NLGN1: variants seen among roughly 807,000 people sequenced by gnomAD.
NLGN1 encodes neuroligin 1, also known as neuroligin-1.
Under a neutral mutation model 65.5 loss-of-function variants are expected in NLGN1, and 12 were observed. That is an observed-to-expected ratio of 0.18 (90% CI 0.12 to 0.30). The LOEUF (loss-of-function observed/expected upper bound fraction) is 0.30, where lower values mean the gene tolerates loss of function less well. Ranked by LOEUF, NLGN1 falls within the 10% of genes least tolerant of loss-of-function variation. The pLI, the probability that NLGN1 is intolerant of heterozygous loss-of-function variation, is 1.00. For missense variants in NLGN1, 750 were observed against 1,007.1 expected, an observed-to-expected ratio of 0.74 and a Z score of 3.46; for synonymous variants, 350 against 359.5, an observed-to-expected ratio of 0.97 and a Z score of 0.30.
intron 3 of NLGN1, among the ~76,000 whole-genome samples, chr3:173,622,631 C>T (rs571733448): frequency 1.3e-5 from 2 of 150,880 alleles, no homozygotes; most frequent in Non-Finnish European, 3.0e-5. Context: ...AAAAAATGAA[C>T]AGAAGTTTCC....
At chr3:173,546,685 T>C (rs555906732) in intron 2 of NLGN1, among the ~76,000 whole-genome samples, 1 of 152,282 alleles carries the variant, frequency 6.6e-6, no homozygotes, top group East Asian at 1.9e-4. Context: ...CCTTGGCAGC[T>C]GGGCTGCGCT....
At chr3:174,116,324 GGTTTTCTTTTT>G (rs1355153778) in intron 4 of NLGN1, among the ~76,000 whole-genome samples, 7 of 102,842 alleles carry the variant, frequency 6.8e-5, no homozygotes, top group African/African-American at 2.7e-4. Flanking sequence ...TTTTTTTCTG[GGTTTTCTTTTT>G]TTTTTTTTTT....
At chr3:174,088,797 TAAATAAATAAAA>T (rs1336962847) in intron 4 of NLGN1, among the ~76,000 whole-genome samples, 31 of 149,076 alleles carry the variant, frequency 2.1e-4, no homozygotes, top group African/African-American at 6.5e-4. Flanking sequence ...AATAAATAAA[TAAATAAATAAAA>T]CTAGATTATT....
chr3:173,832,140 A>AC (rs1341418368), intron 4 of NLGN1, among the ~76,000 whole-genome samples: 8 of 151,190 alleles, frequency 5.3e-5, no homozygotes, highest in African/African-American at 2.0e-4. Context: ...AAAAAAAAAA[A>AC]AACTGTAGAG....
At chr3:174,142,943 TA>T (rs1410307913) in intron 4 of NLGN1, among the ~76,000 whole-genome samples, 1 of 152,086 alleles carries the variant, frequency 6.6e-6, no homozygotes, top group Non-Finnish European at 1.5e-5. Flanking sequence ...TCAGGAAACT[TA>T]CAATCATGGT....
At chr3:174,274,860 C>T (rs1750227667) in intron 4 of NLGN1, among the ~76,000 whole-genome samples, 1 of 151,844 alleles carries the variant, frequency 6.6e-6, no homozygotes, top group South Asian at 2.1e-4. Context: ...GCCTGCTCTA[C>T]ACATGTCCAT....
intron 4 of NLGN1, among the ~76,000 whole-genome samples, chr3:174,243,426 A>G (rs969155633): frequency 4.6e-5 from 7 of 152,200 alleles, no homozygotes; most frequent in Admixed American, 3.3e-4. Context: ...TGCCGCCACA[A>G]AGCAACACTT....
chr3:173,655,620 C>T (rs1027520321), intron 3 of NLGN1, among the ~76,000 whole-genome samples: 8 of 151,800 alleles, frequency 5.3e-5, no homozygotes, highest in Non-Finnish European at 8.8e-5. Context: ...TCTTTCTTCA[C>T]GTTGAAATTA....
At chr3:174,157,967 T>G (rs533801464) in intron 4 of NLGN1, among the ~76,000 whole-genome samples, 91 of 151,922 alleles carry the variant, frequency 6.0e-4, no homozygotes, top group Non-Finnish European at 1.0e-3. Context: ...CAAAAATTAC[T>G]TATTTTCTTC....
At chr3:173,820,724 C>T (rs1720119910) in intron 4 of NLGN1, among the ~76,000 whole-genome samples, 1 of 152,054 alleles carries the variant, frequency 6.6e-6, no homozygotes, top group Admixed American at 6.5e-5. Context: ...AAGATATTTA[C>T]CTATTTTCGG....
At chr3:174,066,550 CTCTCTCTCTCTCTCTG>C (rs1274233270) in intron 4 of NLGN1, among the ~76,000 whole-genome samples, 4 of 113,706 alleles carry the variant, frequency 3.5e-5, no homozygotes, top group Admixed American at 3.4e-4. Flanking sequence ...CTCTCTCTCT[CTCTCTCTCTCTCTCTG>C]TGTGTGTGTG....
At chr3:174,116,119 A>G (rs779770554) in intron 4 of NLGN1, among the ~76,000 whole-genome samples, 17 of 152,116 alleles carry the variant, frequency 1.1e-4, no homozygotes, top group Non-Finnish European at 1.9e-4. Context: ...TGTTTAATAC[A>G]CTTTTATAAA....
chr3:174,099,369 TCA>T (rs1453289467), intron 4 of NLGN1, among the ~76,000 whole-genome samples: 2 of 152,200 alleles, frequency 1.3e-5, no homozygotes, highest in Admixed American at 6.5e-5. Flanking sequence ...ATATGCTAAT[TCA>T]CAGTGTTTAA....
chr3:173,403,879 G>A (rs139267493), intron 1 of NLGN1, among the ~76,000 whole-genome samples: 88 of 152,110 alleles, frequency 5.8e-4, no homozygotes, highest in African/African-American at 2.0e-3. Flanking sequence ...CACTCAATAC[G>A]TGTCTTTTTT....
chr3:173,640,035 A>T (rs956973984), intron 3 of NLGN1, among the ~76,000 whole-genome samples: 4 of 152,144 alleles, frequency 2.6e-5, no homozygotes, highest in African/African-American at 9.7e-5. Context: ...TCATTATTGA[A>T]AAAAGCTTTT....
intron 4 of NLGN1, among the ~76,000 whole-genome samples, chr3:174,063,700 G>A (rs1050963849): frequency 3.3e-5 from 5 of 152,078 alleles, no homozygotes; most frequent in African/African-American, 1.2e-4. Flanking sequence ...GAAACAGAGA[G>A]ACAGAGACAG....
chr3:173,973,419 G>A (rs1716726042), intron 4 of NLGN1, among the ~76,000 whole-genome samples: 1 of 152,096 alleles, frequency 6.6e-6, no homozygotes, highest in Admixed American at 6.6e-5. Context: ...TGAATGAAAT[G>A]GAGGAAAGGA....
At chr3:174,001,590 T>C (rs1027738006) in intron 4 of NLGN1, among the ~76,000 whole-genome samples, 3 of 152,184 alleles carry the variant, frequency 2.0e-5, no homozygotes, top group Non-Finnish European at 4.4e-5. Flanking sequence ...AGCAGACATA[T>C]ATTGGTTTAT....
intron 4 of NLGN1, among the ~76,000 whole-genome samples, chr3:173,935,531 C>T (rs1447553216): frequency 6.6e-6 from 1 of 150,602 alleles, no homozygotes; most frequent in African/African-American, 2.4e-5. Context: ...ACAAAGTTAG[C>T]CAACTTCTAG....
Sources: gnomAD v4.1 joint callset for allele counts (sites outside exome capture counted in the v4.1 genomes callset) on GRCh38, gnomAD v4.1.1 for gene constraint, MANE v1.5 for transcripts, NCBI Gene and HGNC (gene_info 2026-07-23, HGNC 2026-07-21) for gene names.